Variants in SLC36A4 observed in about 807,000 individuals in gnomAD.
SLC36A4 encodes solute carrier family 36 member 4, also known as neutral amino acid uniporter 4.
A neutral mutation model predicts 50.5 loss-of-function variants in SLC36A4; 49 were observed. That is an observed-to-expected ratio of 0.97 (90% confidence interval 0.77 to 1.23). SLC36A4 has a LOEUF of 1.23. Ranked by LOEUF, SLC36A4 falls within the 50% of genes most tolerant of loss-of-function variation. The pLI is 0.00. For synonymous variants in SLC36A4, 207 were observed against 206.5 expected, an observed-to-expected ratio of 1.00 and a Z score of -0.02; for missense variants, 611 against 608.4, an observed-to-expected ratio of 1.00 and a Z score of -0.05.
chr11:93,165,341 T>C (rs1860811565), intron 8 of SLC36A4, among the ~76,000 whole-genome samples: 1 of 152,148 alleles, frequency 6.6e-6, no homozygotes, highest in South Asian at 2.1e-4. Context: ...TTTAATATCT[T>C]AGAATCCTCA....
intron 1 of SLC36A4, among the ~76,000 whole-genome samples, chr11:93,193,966 T>A (rs1013336953): frequency 1.3e-5 from 2 of 152,186 alleles, no homozygotes; most frequent in Admixed American, 1.3e-4. Flanking sequence ...CTAAATTAAC[T>A]AAGGCACAGT....
intron 2 of SLC36A4, among the ~76,000 whole-genome samples, chr11:93,184,791 A>T (rs767492831): frequency 1.4e-4 from 21 of 152,332 alleles, no homozygotes; most frequent in Middle Eastern, 3.4e-3. Context: ...ATTAAAAAAG[A>T]CTAAAGGCAT....
chr11:93,177,382 G>A lies in SLC36A4; in HGVS notation c.540+3415C>T, dbSNP rs532199140. On this transcript the variant is annotated intron_variant, in intron 6 of 10. Transcript: ENST00000326402. ...TTTTCAAGGTTTTTAGCTTCTCTGC[G>A]AAGGGTTCGAACATCCTCCTTTAGC... Among the ~76,000 whole-genome samples, 7 of 152,214 alleles carry A rather than the reference G, an allele frequency of 4.6e-5. 1 individual carries two copies. The highest frequency in any genetic ancestry group is 3.9e-4 in the East Asian group (2 of 5,182).
At chr11:93,163,818 C>T (rs1605673) in intron 8 of SLC36A4, among the ~76,000 whole-genome samples, 151,306 of 152,166 alleles carry the variant, frequency 0.99, 75,235 homozygotes, top group Middle Eastern at 1. Context: ...TAGCATGACC[C>T]TATGTATTTT....
intron 9 of SLC36A4, among the ~76,000 whole-genome samples, chr11:93,162,187 T>G (rs978082403): frequency 6.6e-6 from 1 of 152,182 alleles, no homozygotes; most frequent in African/African-American, 2.4e-5. Context: ...TTGACTTGGA[T>G]TTGGAAAAAA....
chr11:93,150,014 G>A (rs1860006193), intron 10 of SLC36A4, among the ~76,000 whole-genome samples: 1 of 152,022 alleles, frequency 6.6e-6, no homozygotes, highest in South Asian at 2.1e-4. Flanking sequence ...TTTCCAAACT[G>A]TTGATGAGTT....
At chr11:93,197,736 G>A in intron 1 of SLC36A4, 42 bp downstream of exon 1, 3 of 1,569,718 alleles carry the variant, frequency 1.9e-6, no homozygotes, top group Non-Finnish European at 1.7e-6. Context: ...ACAGACCCCC[G>A]CCCACGTCAG....
rs764083872 is a variant in SLC36A4, at chr11:93,167,965, TATCACAAGACTG to T, written c.735_746del (p.Ser246_Ile249del). The stretch of plus-strand genomic sequence containing the variant: ...TTACCCTGACAACATACTGGTAAAT[TATCACAAGACTG>T]ACAGCCATGGAAACGTTGGCAAGGA... On this transcript the variant is annotated inframe_deletion, in exon 7 of 11. Transcript: ENST00000326402. The T allele has an allele frequency of 5.0e-6, 8 of 1,608,338 alleles. No homozygotes were observed. Among genetic ancestry groups the T allele is most frequent in the Non-Finnish European group, 6.8e-6 (8 of 1,177,656 alleles).
chr11:93,190,622 C>A (rs952367124), intron 1 of SLC36A4, among the ~76,000 whole-genome samples: 1 of 152,106 alleles, frequency 6.6e-6, no homozygotes, highest in African/African-American at 2.4e-5. Flanking sequence ...TAAAATACTT[C>A]TTAATAGTGT....
intron 4 of SLC36A4, among the ~76,000 whole-genome samples, chr11:93,182,058 T>C (rs1861760566): frequency 6.6e-6 from 1 of 152,134 alleles, no homozygotes. Flanking sequence ...TTAATATTTG[T>C]ACTTTATTAA....
At position 93,147,931 on chromosome 11, in the gene SLC36A4, T is replaced by C. The variant is rs569385460; in HGVS notation, c.*606A>G. On this transcript the variant is annotated 3_prime_UTR_variant, in exon 11 of 11. Transcript: ENST00000326402. ...GATCTTGAACAGTGCCTCTTGACTA[T>C]GAAGATCAACTACCATTAGAGTGTA... 1.3e-5 allele frequency: 2 copies of C among 152,360 alleles called. No individual in the cohort carries two copies. The highest frequency in any genetic ancestry group is 3.9e-4 in the East Asian group (2 of 5,164). 9.4% of individuals were successfully genotyped at this position (152,360 alleles called of 1,614,324 possible).
rs773272275 is a variant in SLC36A4, at chr11:93,168,191, G to C, written c.541-20C>G. On this transcript the variant is annotated intron_variant, in intron 6 of 10. Transcript: ENST00000326402. ...ATGAACCTACATAGGATTACCAGGA[G>C]AATAAAGAAGGGGGAAAAACTTCCA... 3 of 1,500,216 alleles carry C rather than the reference G, an allele frequency of 2.0e-6. No individual in the cohort carries two copies. The highest frequency in any genetic ancestry group is 4.6e-5 in the East Asian group (2 of 43,866). The allele number at this position is 1,500,216 out of a possible 1,614,324, so 92.9% of individuals were successfully genotyped here.
chr11:93,148,689 A>G lies in SLC36A4; in HGVS notation c.1363T>C (p.Ser455Pro). The G allele has an allele frequency of 6.2e-7, 1 of 1,612,946 alleles. No homozygotes were observed. The highest frequency in any genetic ancestry group is 8.5e-7 in the Non-Finnish European group (1 of 1,179,336). The stretch of plus-strand genomic sequence containing the variant: ...CCAACAACTCCAGTGAATGCTATAG[A>G]AATATTTTTCAGGACCATCCATATA... ...YNIWMVLKNISIAFTGVVGFL... is the reference protein window; with the variant it reads ...YNIWMVLKNIPIAFTGVVGFL... Residue 455 changes from serine to proline, a missense_variant, in exon 11 of 11, where the codon TCT becomes CCT. Ser to Pro is a moderately conservative substitution (Grantham distance 74, BLOSUM62 -1). Transcript: ENST00000326402.
chr11:93,172,526 A>T (rs577484236), intron 6 of SLC36A4, among the ~76,000 whole-genome samples: 2 of 150,676 alleles, frequency 1.3e-5, no homozygotes. Flanking sequence ...TACATGTGCC[A>T]TGCTGGTGCG....
At chr11:93,189,199 GAT>G (rs952944998) in intron 1 of SLC36A4, among the ~76,000 whole-genome samples, 2 of 151,958 alleles carry the variant, frequency 1.3e-5, no homozygotes, top group Admixed American at 1.3e-4. Context: ...GAGTAGCTGG[GAT>G]AACAGGTGTG....
At chr11:93,159,901 A>G (rs894820206) in intron 9 of SLC36A4, 3 of 985,282 alleles carry the variant, frequency 3.0e-6, no homozygotes, top group Non-Finnish European at 2.4e-6. Flanking sequence ...AAAGCCCTTT[A>G]CAGCTTTTCA....
Position 93,144,465 on chromosome 11 carries a change from A to G in SLC36A4, c.*4072T>C, listed in dbSNP as rs1243602774. 1 of 152,060 alleles carries G rather than the reference A, an allele frequency of 6.6e-6. No homozygotes were observed. Among genetic ancestry groups the G allele is most frequent in the Non-Finnish European group, 1.5e-5 (1 of 67,976 alleles). 9.4% of individuals were successfully genotyped at this position (152,060 alleles called of 1,614,324 possible). A position where few individuals can be genotyped will look rare whatever the true frequency, so the allele number is the denominator to read the frequency against. On this transcript the variant is annotated 3_prime_UTR_variant, in exon 11 of 11. Transcript: ENST00000326402. ...GACCCAATTTAAATAGTAATTTAGTATTAGTATCTAGTTCACATAGATTAC... is the reference window on the plus strand; with the variant it reads ...GACCCAATTTAAATAGTAATTTAGTGTTAGTATCTAGTTCACATAGATTAC...
rs1859844243 is a variant in SLC36A4 at position 93,146,358 on chromosome 11, A to G, written c.*2179T>C. On this transcript the variant is annotated 3_prime_UTR_variant, in exon 11 of 11. Coordinates refer to ENST00000326402, the MANE Select transcript of SLC36A4 (RefSeq NM_152313.4). ...CAACTCATTTTATATCAAGCTATAA[A>G]GTTTTTTAAACATCTAATTCAAGAT... The G allele has an allele frequency of 6.6e-6, 1 of 152,000 alleles. No homozygotes were observed. The highest frequency in any genetic ancestry group is 2.4e-5 in the African/African-American group (1 of 41,448). 9.4% of individuals were successfully genotyped at this position (152,000 alleles called of 1,614,324 possible).
At position 93,168,009 on chromosome 11, in the gene SLC36A4, G is replaced by A. The variant is rs1192808309; in HGVS notation, c.703C>T (p.Leu235Phe). 2 of 1,612,320 alleles carry A rather than the reference G, an allele frequency of 1.2e-6. No homozygotes were observed. The highest frequency in any genetic ancestry group is 1.7e-6 in the Non-Finnish European group (2 of 1,179,010). Residue 235 changes from leucine to phenylalanine, a missense_variant, in exon 7 of 11, where the codon CTT becomes TTT. Leu to Phe is a conservative substitution (Grantham distance 22). Coordinates refer to ENST00000326402, the MANE Select transcript of SLC36A4 (RefSeq NM_152313.4). ...FIRELKNLFVLSFLANVSMAV... is the reference protein window; with the variant it reads ...FIRELKNLFVFSFLANVSMAV... ...ATGGAAACGTTGGCAAGGAATGAAA[G>A]TACAAATAGATTCTTTAGTTCACGA...
Sources: allele counts gnomAD v4.1 joint callset (sites outside exome capture counted in the v4.1 genomes callset), GRCh38; gene constraint gnomAD v4.1.1; transcripts MANE v1.5; gene names NCBI Gene and HGNC (gene_info 2026-07-23, HGNC 2026-07-21).